TWIST2: variants seen among roughly 807,000 people sequenced by gnomAD.
The protein encoded by TWIST2 is twist family bHLH transcription factor 2, also known as twist-related protein 2.
TWIST2 carries 1 observed loss-of-function variant against 11.6 expected under a neutral mutation model. The observed-to-expected ratio is 0.09, with a 90% CI of 0.03 to 0.41. TWIST2 has a LOEUF of 0.41. TWIST2 is among the 10% of genes least tolerant of loss of function. TWIST2 has a pLI of 0.98. For missense variants in TWIST2, 168 were observed against 226.4 expected, an observed-to-expected ratio of 0.74 and a Z score of 1.66; for synonymous variants, 87 against 96.6, an observed-to-expected ratio of 0.90 and a Z score of 0.58.
intron 1 of TWIST2, among the ~76,000 whole-genome samples, chr2:238,852,225 T>TA (rs562403988): frequency 2.0e-5 from 3 of 152,080 alleles, no homozygotes; most frequent in South Asian, 2.1e-4. Flanking sequence ...ATCTGGGCTT[T>TA]AAAAAAAACA....
chr2:238,848,382 C>T lies in TWIST2; in HGVS notation c.167C>T (p.Pro56Leu). 1 of 1,535,174 alleles carries T rather than the reference C, an allele frequency of 6.5e-7. No homozygotes were observed. The highest frequency in any genetic ancestry group is 1.7e-4 in the Middle Eastern group (1 of 5,944). ...TPGKRGKKGS[P>L]SAQSFEELQS... ...GGCAAGCGCGGCAAGAAGGGCAGCCCCAGCGCGCAGTCCTTCGAGGAGCTG... is the reference window on the plus strand; with the variant it reads ...GGCAAGCGCGGCAAGAAGGGCAGCCTCAGCGCGCAGTCCTTCGAGGAGCTG... The change falls in exon 1 of 2, where the codon CCC (proline) becomes CTC (leucine). Residue 56 changes from proline (P) to leucine (L), a missense_variant. By Grantham distance (98) the Pro-to-Leu change is moderately conservative. Transcript: ENST00000612363.
chr2:238,909,666 C>T (rs1693420424), intron 1 of TWIST2, among the ~76,000 whole-genome samples, 176 bp from the exon 2 acceptor site: 1 of 152,102 alleles, frequency 6.6e-6, no homozygotes, highest in Non-Finnish European at 1.5e-5. Flanking sequence ...CTGGGCTGGC[C>T]CCGTAGCAGT....
At chr2:238,890,779 G>A (rs977310314) in intron 1 of TWIST2, among the ~76,000 whole-genome samples, 1 of 152,130 alleles carries the variant, frequency 6.6e-6, no homozygotes, top group Non-Finnish European at 1.5e-5. Flanking sequence ...CTGGGGCAGG[G>A]GGATTAGTCT....
chr2:238,885,183 C>T (rs994436238), intron 1 of TWIST2, among the ~76,000 whole-genome samples: 2 of 152,180 alleles, frequency 1.3e-5, no homozygotes, highest in Non-Finnish European at 2.9e-5. Flanking sequence ...TCCCCATGGC[C>T]GGGTCTTCTG....
chr2:238,856,875 C>T (rs1416079468), intron 1 of TWIST2, among the ~76,000 whole-genome samples: 8 of 152,216 alleles, frequency 5.3e-5, no homozygotes, highest in African/African-American at 1.9e-4. Context: ...AGGGAGGCCG[C>T]TGCAGACACA....
rs1161575026 is a variant in TWIST2 at position 238,867,564 on chromosome 2, A to G, written c.*35+18831A>G. Reference sequence around the variant, plus strand: ...GTTGTGGCTGGGAACCCTTTGATAAACAGGAAAGAATATTTTCACTTTGGC... The same window carrying G: ...GTTGTGGCTGGGAACCCTTTGATAAGCAGGAAAGAATATTTTCACTTTGGC... On this transcript the variant is annotated intron_variant, in intron 1 of 1. Transcript: ENST00000612363. The surrounding 1 kb of genome is among the most constrained non-coding windows in gnomAD (Gnocchi z 4.8). Among the ~76,000 whole-genome samples, 3 of 152,030 alleles carry G rather than the reference A, an allele frequency of 2.0e-5. No homozygotes were observed. Among genetic ancestry groups the G allele is most frequent in the Non-Finnish European group, 4.4e-5 (3 of 68,006 alleles).
chr2:238,889,599 C>T, intron 1 of TWIST2, among the ~76,000 whole-genome samples: 1 of 152,296 alleles, frequency 6.6e-6, no homozygotes, highest in East Asian at 1.9e-4. Flanking sequence ...GTTGAGTTGT[C>T]TCATCTCAAA....
At chr2:238,904,776 G>A (rs1693321388) in intron 1 of TWIST2, among the ~76,000 whole-genome samples, 1 of 152,006 alleles carries the variant, frequency 6.6e-6, no homozygotes, top group Non-Finnish European at 1.5e-5. Flanking sequence ...ATGGAAGGAA[G>A]AAAGGGAGGA....
chr2:238,860,121 G>A (rs1055214238), intron 1 of TWIST2, among the ~76,000 whole-genome samples: 10 of 152,156 alleles, frequency 6.6e-5, no homozygotes, highest in East Asian at 1.9e-4. Flanking sequence ...TCGTCTGCCC[G>A]CTCGGTGGAC....
intron 1 of TWIST2, among the ~76,000 whole-genome samples, chr2:238,868,717 T>C (rs1692589920): frequency 6.6e-6 from 1 of 152,232 alleles, no homozygotes; most frequent in South Asian, 2.1e-4. Context: ...GTATCCTCTG[T>C]TGCCCACACA....
chr2:238,880,326 ATT>A (rs1574760287), intron 1 of TWIST2, among the ~76,000 whole-genome samples: 1 of 132,040 alleles, frequency 7.6e-6, no homozygotes, highest in East Asian at 3.0e-4. Flanking sequence ...GGTATTTATT[ATT>A]ATTAGTGTTA....
chr2:238,872,790 A>G (rs1303802794), intron 1 of TWIST2, among the ~76,000 whole-genome samples: 1 of 152,222 alleles, frequency 6.6e-6, no homozygotes, highest in Non-Finnish European at 1.5e-5. Flanking sequence ...GCAGATGGAA[A>G]GTCTGGAGGT....
intron 1 of TWIST2, among the ~76,000 whole-genome samples, chr2:238,907,095 C>T (rs1415264313): frequency 1.3e-5 from 2 of 152,216 alleles, no homozygotes; most frequent in Admixed American, 6.5e-5. Flanking sequence ...CCTGGCAGGA[C>T]AGCAACACAG....
At position 238,863,082 on chromosome 2, in the gene TWIST2, A is replaced by G. The variant is rs1692463475; in HGVS notation, c.*35+14349A>G. 6.6e-6 allele frequency among the ~76,000 whole-genome samples: 1 copy of G among 150,822 alleles called. No individual in the cohort carries two copies. The highest frequency in any genetic ancestry group is 6.6e-5 in the Admixed American group (1 of 15,136). On this transcript the variant is annotated intron_variant, in intron 1 of 1. Transcript: ENST00000612363. This position sits in a 1 kb window ranked among gnomAD's most constrained non-coding sequence, Gnocchi z 4.7. ...TCTAGATTTTCTACAGATGCCCTGT[A>G]TTACTTCTGCAATTTGAGAACACAA...
intron 1 of TWIST2, among the ~76,000 whole-genome samples, chr2:238,872,875 G>T (rs964429902): frequency 6.6e-6 from 1 of 152,178 alleles, no homozygotes; most frequent in Non-Finnish European, 1.5e-5. Context: ...GCAGCTGCAG[G>T]GTCCTTCGTG....
At chr2:238,848,755 G>C in intron 1 of TWIST2, 22 bp downstream of exon 1, 3 of 1,333,436 alleles carry the variant, frequency 2.2e-6, no homozygotes, top group Non-Finnish European at 2.9e-6. Flanking sequence ...GCGCGCGACG[G>C]GCGCCCTCCG....
intron 1 of TWIST2, among the ~76,000 whole-genome samples, chr2:238,895,056 C>T (rs1427319469): frequency 6.6e-5 from 10 of 152,168 alleles, no homozygotes; most frequent in African/African-American, 1.9e-4. Flanking sequence ...GCAGAGCGCC[C>T]GACACCGGCA....
chr2:238,857,247 C>T (rs1692348421), intron 1 of TWIST2, among the ~76,000 whole-genome samples: 1 of 152,160 alleles, frequency 6.6e-6, no homozygotes, highest in Admixed American at 6.5e-5. Context: ...GTCCCACCAC[C>T]CTGGCACTTC....
intron 1 of TWIST2, among the ~76,000 whole-genome samples, chr2:238,869,707 G>C (rs1295486614): frequency 2.0e-5 from 3 of 152,238 alleles, no homozygotes; most frequent in Non-Finnish European, 4.4e-5. Flanking sequence ...ATTCTGGGAG[G>C]CTGAGGCGGG....
Sources: gnomAD v4.1 joint callset for allele counts (sites outside exome capture counted in the v4.1 genomes callset) on GRCh38, gnomAD v4.1.1 for gene constraint, Gnocchi (gnomAD v3.1) non-coding constraint, MANE v1.5 for transcripts, NCBI Gene and HGNC (gene_info 2026-07-23, HGNC 2026-07-21) for gene names.